The following SLC26A8 variants were observed in gnomAD, a reference collection of about 807,000 sequenced individuals.
The protein encoded by SLC26A8 is testis anion transporter 1.
SLC26A8 carries 70 observed loss-of-function variants against 105.0 expected under a neutral mutation model. The ratio of observed to expected loss-of-function variants is 0.67; its 90% CI spans 0.55 to 0.81. The LOEUF is 0.81. Among genes scored for constraint, SLC26A8 ranks in the 40% least tolerant of loss-of-function variants. SLC26A8 has a pLI of 0.00. For synonymous variants in SLC26A8, 415 were observed against 438.3 expected, an observed-to-expected ratio of 0.95 and a Z score of 0.66; for missense variants, 998 against 1,181.8, an observed-to-expected ratio of 0.84 and a Z score of 2.28.
At chr6:36,023,907 C>T (rs1762191996) in intron 1 of SLC26A8, among the ~76,000 whole-genome samples, 2 of 152,088 alleles carry the variant, frequency 1.3e-5, no homozygotes, top group Admixed American at 6.6e-5. Context: ...AGTCCTTAAG[C>T]GGATGACCAT....
intron 3 of SLC26A8, among the ~76,000 whole-genome samples, chr6:36,011,978 G>A (rs184183928): frequency 8.5e-4 from 129 of 152,236 alleles, no homozygotes; most frequent in Admixed American, 1.6e-3. Flanking sequence ...GAAATAACTA[G>A]TGAAGGGAAA....
chr6:35,995,871 G>T (rs1032409144), intron 5 of SLC26A8, among the ~76,000 whole-genome samples: 3 of 152,002 alleles, frequency 2.0e-5, no homozygotes, highest in Non-Finnish European at 4.4e-5. Context: ...CATGCATGAG[G>T]CCCCTTGATA....
In SLC26A8 at chr6:35,951,275, CT is replaced by C; in HGVS notation, c.2359del (p.Ser787AlafsTer15). On this transcript the variant is annotated frameshift_variant, in exon 19 of 20. Transcript: ENST00000490799. LOFTEE classifies it high-confidence loss of function. Reference protein sequence around the residue: ...AGITKTQLFLSVHDAVLFALS... With the variant: ...AGITKTQLFLXVHDAVLFALS... ...GGCAAACAGCACGGCGTCGTGAACGCTGAGGAACAGCTGGGTCTTGGTGATG... is the reference window on the plus strand; with the variant it reads ...GGCAAACAGCACGGCGTCGTGAACGCGAGGAACAGCTGGGTCTTGGTGATG... 6.2e-7 allele frequency: 1 copy of C among 1,614,154 alleles called. No homozygotes were observed. The highest frequency in any genetic ancestry group is 8.5e-7 in the Non-Finnish European group (1 of 1,180,030).
At chr6:35,983,200 T>C (rs957551014) in intron 7 of SLC26A8, among the ~76,000 whole-genome samples, 2 of 152,146 alleles carry the variant, frequency 1.3e-5, no homozygotes, top group African/African-American at 4.8e-5. Flanking sequence ...CAGATTAGAA[T>C]GGAAGGAAGA....
intron 11 of SLC26A8, among the ~76,000 whole-genome samples, chr6:35,964,677 G>GT (rs1233176818): frequency 1.3e-5 from 2 of 151,614 alleles, no homozygotes; most frequent in Admixed American, 6.6e-5. Flanking sequence ...CTAGAAAACT[G>GT]TAGATGTGCC....
chr6:36,018,348 A>C (rs757055047), intron 2 of SLC26A8, among the ~76,000 whole-genome samples: 1 of 152,260 alleles, frequency 6.6e-6, no homozygotes, highest in Non-Finnish European at 1.5e-5. Context: ...ATGAAGTTCT[A>C]ATACATGCTA....
intron 2 of SLC26A8, among the ~76,000 whole-genome samples, chr6:36,016,976 A>G (rs980720932): frequency 2.6e-5 from 4 of 152,152 alleles, no homozygotes; most frequent in Non-Finnish European, 5.9e-5. Context: ...ATTTGAGACC[A>G]GCCTGACCAA....
At chr6:35,955,626 A>C (rs1287439669) in intron 16 of SLC26A8, 106 bp from the exon 17 acceptor site, 4 of 1,415,276 alleles carry the variant, frequency 2.8e-6, no homozygotes, top group Admixed American at 2.1e-5. Flanking sequence ...TCCCTCTCTC[A>C]TGAAACTTCT....
intron 10 of SLC26A8, among the ~76,000 whole-genome samples, chr6:35,970,412 GAGAGT>G (rs1772745407): frequency 6.6e-6 from 1 of 152,172 alleles, no homozygotes; most frequent in African/African-American, 2.4e-5. Flanking sequence ...TGAATCACAT[GAGAGT>G]AGTGTAGGAA....
intron 3 of SLC26A8, among the ~76,000 whole-genome samples, chr6:36,000,959 C>T (rs773162013): frequency 6.6e-6 from 1 of 152,090 alleles, no homozygotes; most frequent in Admixed American, 6.6e-5. Context: ...CCAAGGCATT[C>T]GATTATTTAA....
chr6:36,004,630 G>A (rs1761630712), intron 3 of SLC26A8, among the ~76,000 whole-genome samples: 1 of 151,184 alleles, frequency 6.6e-6, no homozygotes. Flanking sequence ...CCATTATAAT[G>A]TTGTAATGTT....
In SLC26A8 at chr6:36,006,139, C is replaced by T. The variant is rs557358680; in HGVS notation, c.329-6031G>A. Among the ~76,000 whole-genome samples the T allele has an allele frequency of 4.6e-5, 7 of 150,662 alleles. No individual in the cohort carries two copies. The South Asian group carries it at 1.3e-3, about 27-fold the overall frequency. ...ATAGCTATGAAATCTTTTTTTTTTC[C>T]AATGGAGTCTCGCTCTGTTACCCAG... On this transcript the variant is annotated intron_variant, in intron 3 of 19. Coordinates refer to ENST00000490799, the MANE Select transcript of SLC26A8 (RefSeq NM_052961.4).
chr6:36,003,998 C>T (rs1039460718), intron 3 of SLC26A8, among the ~76,000 whole-genome samples: 15 of 151,706 alleles, frequency 9.9e-5, no homozygotes, highest in African/African-American at 3.6e-4. Context: ...TGTACGTATC[C>T]CTACACAATA....
intron 19 of SLC26A8, among the ~76,000 whole-genome samples, chr6:35,944,754 C>A (rs1771608778): frequency 6.6e-6 from 1 of 151,908 alleles, no homozygotes; most frequent in Non-Finnish European, 1.5e-5. Context: ...TTTGAGCAGT[C>A]AAGGAATTTC....
At chr6:36,000,200 C>T in intron 3 of SLC26A8, 92 bp from the exon 4 acceptor site, 1 of 812,346 alleles carries the variant, frequency 1.2e-6, no homozygotes, top group Non-Finnish European at 2.1e-6. Flanking sequence ...AAAAATCATC[C>T]ATGTGTATAG....
chr6:36,012,181 G>A (rs1337275796), intron 3 of SLC26A8, 52 bp downstream of exon 3: 3 of 1,580,760 alleles, frequency 1.9e-6, no homozygotes, highest in Non-Finnish European at 2.6e-6. Flanking sequence ...TGGGCACGTG[G>A]ACAAGGTCTG....
At chr6:35,987,650 C>T (rs185595893) in intron 7 of SLC26A8, among the ~76,000 whole-genome samples, 98 of 152,242 alleles carry the variant, frequency 6.4e-4, no homozygotes, top group African/African-American at 2.4e-3. Context: ...GGATTACAGG[C>T]GTGAGCCACC....
At chr6:35,963,974 G>A (rs1313715344) in intron 11 of SLC26A8, among the ~76,000 whole-genome samples, 2 of 152,080 alleles carry the variant, frequency 1.3e-5, no homozygotes, top group Non-Finnish European at 2.9e-5. Flanking sequence ...CTTTGTGAAG[G>A]TGAGGCAGGA....
Position 36,021,564 on chromosome 6 carries a change from C to T in SLC26A8, c.-2-1855G>A, listed in dbSNP as rs1011559365. Among the ~76,000 whole-genome samples the T allele has an allele frequency of 4.6e-5, 7 of 152,120 alleles. No homozygotes were observed. The East Asian group carries it at 9.7e-4, about 21-fold the overall frequency. ...TGGTGTAAAATAGGCAAAATATGACCGTCAAGGAGTGGTGGGAACAGTGGG... is the reference window on the plus strand; with the variant it reads ...TGGTGTAAAATAGGCAAAATATGACTGTCAAGGAGTGGTGGGAACAGTGGG... On this transcript the variant is annotated intron_variant, in intron 1 of 19. Transcript: ENST00000490799.
Sources: allele counts gnomAD v4.1 joint callset (sites outside exome capture counted in the v4.1 genomes callset), GRCh38; gene constraint gnomAD v4.1.1; transcripts MANE v1.5; gene names NCBI Gene and HGNC (gene_info 2026-07-23, HGNC 2026-07-21).